Variants in GPHN observed in about 807,000 individuals in gnomAD.
GPHN encodes gephyrin.
In GPHN, 17 loss-of-function variants were observed where a neutral mutation model predicts 95.5. The ratio of observed to expected loss-of-function variants is 0.18; its 90% CI spans 0.12 to 0.27. GPHN has a LOEUF of 0.27. Among genes scored for constraint, GPHN ranks in the 10% least tolerant of loss-of-function variants. The pLI is 1.00. For synonymous variants in GPHN, 320 were observed against 322.5 expected (o/e 0.99, Z 0.08); for missense variants, 660 against 978.1 (o/e 0.67, Z 4.34).
chr14:66,893,223 G>T (rs2064619803), intron 5 of GPHN, among the ~76,000 whole-genome samples: 1 of 152,192 alleles, frequency 6.6e-6, no homozygotes, highest in African/African-American at 2.4e-5. Context: ...AACAGCTCCA[G>T]TCTACAGCTC....
the GPHN span, among the ~76,000 whole-genome samples, chr14:67,576,779 G>C: frequency 6.6e-6 from 1 of 152,146 alleles, no homozygotes; most frequent in Non-Finnish European, 1.5e-5. This position sits in a 1 kb window ranked among gnomAD's most constrained non-coding sequence, Gnocchi z 4.0. Flanking sequence ...TTGCTGGCTG[G>C]GCAGAGGGCT....
chr14:66,866,802 G>C (rs916724585), intron 4 of GPHN, among the ~76,000 whole-genome samples: 3 of 152,080 alleles, frequency 2.0e-5, no homozygotes, highest in African/African-American at 7.2e-5. Context: ...TTATAAAGAG[G>C]AATAATTACC....
chr14:67,672,473 T>C, the GPHN span, among the ~76,000 whole-genome samples: 74 of 133,474 alleles, frequency 5.5e-4, no homozygotes, highest in African/African-American at 1.9e-3. Context: ...TGATACAGAG[T>C]CTTGATCTGT....
the GPHN span, chr14:67,585,335 C>T: frequency 2.0e-6 from 1 of 511,332 alleles, no homozygotes; most frequent in Non-Finnish European, 3.5e-6. Context: ...ATCGCCTCTG[C>T]CTTTGAGATG....
chr14:67,301,416 C>A, the GPHN span: 2 of 1,610,030 alleles, frequency 1.2e-6, no homozygotes, highest in Non-Finnish European at 1.7e-6. Flanking sequence ...GCCAGTTCAT[C>A]ATAAGGAAGG....
At chr14:66,528,907 A>T (rs1188777626) in intron 1 of GPHN, among the ~76,000 whole-genome samples, 1 of 151,922 alleles carries the variant, frequency 6.6e-6, no homozygotes, top group Non-Finnish European at 1.5e-5. Flanking sequence ...TTTTTCCTTC[A>T]TTTCAACCTC....
chr14:66,626,426 C>A (rs2063530801), intron 1 of GPHN, among the ~76,000 whole-genome samples: 1 of 152,036 alleles, frequency 6.6e-6, no homozygotes, highest in Non-Finnish European at 1.5e-5. Flanking sequence ...CATTCTCATT[C>A]TGATCAAAAT....
chr14:67,589,557 T>C, the GPHN span: 1 of 985,460 alleles, frequency 1.0e-6, no homozygotes, highest in Non-Finnish European at 1.2e-6. Context: ...TTGGAAGATC[T>C]GTTTATTAAC....
intron 2 of GPHN, among the ~76,000 whole-genome samples, chr14:66,711,605 T>TAA (rs200623507): frequency 7.1e-6 from 1 of 140,542 alleles, no homozygotes; most frequent in Admixed American, 7.1e-5. Flanking sequence ...TTTTTTTTTT[T>TAA]AAATTATACT....
chr14:67,273,211 C>T, the GPHN span, among the ~76,000 whole-genome samples: 3 of 151,878 alleles, frequency 2.0e-5, no homozygotes, highest in East Asian at 3.9e-4. Context: ...TGGTGTGCTG[C>T]ACCCATTAAC....
intron 10 of GPHN, among the ~76,000 whole-genome samples, chr14:67,034,583 G>T (rs1282309432): frequency 6.6e-6 from 1 of 152,042 alleles, no homozygotes; most frequent in Non-Finnish European, 1.5e-5. Flanking sequence ...GGCTGAAAAT[G>T]AAAGGACAGA....
At chr14:66,837,742 G>C (rs1364341704) in intron 4 of GPHN, among the ~76,000 whole-genome samples, 1 of 151,572 alleles carries the variant, frequency 6.6e-6, no homozygotes, top group East Asian at 1.9e-4. Flanking sequence ...CAGAATTTTT[G>C]CAATTTTGAG....
chr14:66,907,312 A>G (rs2065434749), intron 5 of GPHN, among the ~76,000 whole-genome samples: 1 of 152,206 alleles, frequency 6.6e-6, no homozygotes, highest in Non-Finnish European at 1.5e-5. Flanking sequence ...TGAGTAAAAG[A>G]AGCCAGTGTG....
At chr14:67,228,375 T>A in the GPHN span, 2 of 497,446 alleles carry the variant, frequency 4.0e-6, no homozygotes, top group East Asian at 3.0e-4. Context: ...ACTAAAAATA[T>A]TCTCTATTTC....
At chr14:67,267,986 A>G in the GPHN span, among the ~76,000 whole-genome samples, 15 of 152,208 alleles carry the variant, frequency 9.9e-5, no homozygotes, top group African/African-American at 3.6e-4. Flanking sequence ...TCCCAGCTGA[A>G]GGATAGTGTG....
chr14:67,571,741 C>A, the GPHN span: 1 of 1,608,260 alleles, frequency 6.2e-7, no homozygotes, highest in Non-Finnish European at 8.5e-7. Flanking sequence ...AGGGAGGGGC[C>A]TGTCTTGCAG....
the GPHN span, among the ~76,000 whole-genome samples, chr14:67,400,646 TAA>T: frequency 4.6e-5 from 7 of 151,602 alleles, no homozygotes; most frequent in Non-Finnish European, 8.8e-5. Flanking sequence ...AGAAGGCAAT[TAA>T]GTTAATGGTA....
At chr14:66,902,375 C>T (rs1352075885) in intron 5 of GPHN, among the ~76,000 whole-genome samples, 2 of 151,880 alleles carry the variant, frequency 1.3e-5, no homozygotes, top group African/African-American at 4.8e-5. Context: ...TTTCTCATGC[C>T]TAATTGCTCT....
intron 3 of GPHN, among the ~76,000 whole-genome samples, chr14:66,803,785 G>C (rs565499751): frequency 3.3e-5 from 5 of 151,826 alleles, no homozygotes; most frequent in African/African-American, 1.2e-4. Flanking sequence ...ATGTTTTGTA[G>C]TGTTTCTCCC....
Sources: allele counts gnomAD v4.1 joint callset (sites outside exome capture counted in the v4.1 genomes callset), GRCh38; gene constraint gnomAD v4.1.1; non-coding constraint Gnocchi (gnomAD v3.1); transcripts MANE v1.5; gene names NCBI Gene and HGNC (gene_info 2026-07-23, HGNC 2026-07-21).